KAZN: variants seen among roughly 807,000 people sequenced by gnomAD.
KAZN encodes the protein kazrin.
KAZN carries 40 observed loss-of-function variants against 87.4 expected under a neutral mutation model. That is an observed-to-expected ratio of 0.46 (90% CI 0.36 to 0.60). The LOEUF is 0.60. KAZN is among the 20% of genes least tolerant of loss of function. The pLI, the probability that KAZN is intolerant of heterozygous loss-of-function variation, is 0.00. For synonymous variants in KAZN, 466 were observed against 458.3 expected (o/e 1.02, Z -0.22); for missense variants, 898 against 1,073.9 (o/e 0.84, Z 2.29).
At chr1:14,313,233 C>A (rs1032630034) in intron 2 of KAZN, among the ~76,000 whole-genome samples, 2 of 152,128 alleles carry the variant, frequency 1.3e-5, no homozygotes, top group African/African-American at 4.8e-5. Context: ...ACCAGCCCCC[C>A]ACCGAAAGGT....
intron 1 of KAZN, among the ~76,000 whole-genome samples, chr1:13,975,202 A>C (rs1397669359): frequency 6.6e-6 from 1 of 152,124 alleles, no homozygotes; most frequent in Non-Finnish European, 1.5e-5. Flanking sequence ...CTGCCTCCAC[A>C]TGTATTTGGA....
At chr1:14,616,467 A>G (rs1335854930) in intron 1 of KAZN, among the ~76,000 whole-genome samples, 2 of 151,298 alleles carry the variant, frequency 1.3e-5, no homozygotes, top group African/African-American at 4.8e-5. Context: ...GAAGAGGGTG[A>G]TTTAGAAAAA....
chr1:14,828,343 T>C (rs951456807), intron 1 of KAZN, among the ~76,000 whole-genome samples: 1 of 152,290 alleles, frequency 6.6e-6, no homozygotes, highest in Non-Finnish European at 1.5e-5. Flanking sequence ...ATTTTCGTCC[T>C]ATTTTATTTG....
chr1:14,107,376 T>C (rs1242596080), intron 1 of KAZN, among the ~76,000 whole-genome samples: 1 of 151,882 alleles, frequency 6.6e-6, no homozygotes, highest in Non-Finnish European at 1.5e-5. Context: ...TGTTTGTTTG[T>C]TTGTTTGTTT....
intron 1 of KAZN, among the ~76,000 whole-genome samples, chr1:14,126,589 G>C (rs537430103): frequency 1.3e-5 from 2 of 151,754 alleles, no homozygotes; most frequent in Non-Finnish European, 2.9e-5. Flanking sequence ...TGACAGACAT[G>C]GCATAAATAT....
chr1:14,168,320 C>G (rs1359855806), intron 1 of KAZN, among the ~76,000 whole-genome samples: 1 of 152,094 alleles, frequency 6.6e-6, no homozygotes, highest in East Asian at 1.9e-4. Context: ...TTTGGAATGC[C>G]CGTGGAACAA....
chr1:14,608,650 G>A (rs1233579090), intron 1 of KAZN, among the ~76,000 whole-genome samples: 3 of 152,152 alleles, frequency 2.0e-5, no homozygotes, highest in Admixed American at 2.0e-4. Context: ...AGATGTGGAT[G>A]ATACTGGGTT....
intron 1 of KAZN, among the ~76,000 whole-genome samples, chr1:14,608,609 C>G (rs969003600): frequency 6.6e-6 from 1 of 152,050 alleles, no homozygotes; most frequent in Non-Finnish European, 1.5e-5. Flanking sequence ...ACCTTCTCCC[C>G]CAGAGAAAGA....
At chr1:14,881,009 A>C (rs773097628) in intron 1 of KAZN, among the ~76,000 whole-genome samples, 58 of 152,358 alleles carry the variant, frequency 3.8e-4, no homozygotes, top group Middle Eastern at 3.4e-3. Context: ...TAAGAAAACG[A>C]ATGACAGTCC....
intron 1 of KAZN, among the ~76,000 whole-genome samples, chr1:14,883,342 G>GAGAGAGAGAGAGAGAAAGAAAGA (rs1377953212): frequency 2.1e-4 from 7 of 33,464 alleles, no homozygotes; most frequent in Admixed American, 4.0e-4. Context: ...GAGAGAGAGA[G>GAGAGAGAGAGAGAGAAAGAAAGA]AAAGAAAGAA....
chr1:14,015,424 T>C (rs1016202469), intron 1 of KAZN, among the ~76,000 whole-genome samples: 4 of 146,826 alleles, frequency 2.7e-5, no homozygotes, highest in Admixed American at 6.8e-5. Context: ...CCTATTGTCC[T>C]AAATTATTTT....
chr1:14,898,767 A>C (rs1276089830), intron 1 of KAZN, among the ~76,000 whole-genome samples: 7 of 152,158 alleles, frequency 4.6e-5, no homozygotes, highest in African/African-American at 1.7e-4. Flanking sequence ...AGACTCTAAG[A>C]GGGCGGGACT....
rs35144232 is a variant in KAZN at position 14,569,320 on chromosome 1, C to CTTTT, written c.250-29646_250-29643dup. On this transcript the variant is annotated intron_variant, in intron 2 of 16. Transcript: ENST00000636203. ...TCCTCTACCTCCTCTACTTCCTCTG[C>CTTTT]TTTTTTTTTTTTTTTTTTTTGAGAC... Among the ~76,000 whole-genome samples the CTTTT allele has an allele frequency of 5.5e-4, 51 of 92,316 alleles. 3 individuals carry two copies. The highest frequency in any genetic ancestry group is 1.1e-3 in the East Asian group (3 of 2,800). 60.6% of individuals were successfully genotyped at this position (92,316 alleles called of 152,430 possible).
chr1:14,914,250 G>A (rs971588865), intron 1 of KAZN, among the ~76,000 whole-genome samples: 13 of 152,200 alleles, frequency 8.5e-5, no homozygotes, highest in African/African-American at 2.9e-4. Flanking sequence ...GAGAACCGCT[G>A]CCCTAGGGCT....
intron 2 of KAZN, among the ~76,000 whole-genome samples, chr1:14,995,135 T>TATGTCTTTA (rs2101976320): frequency 1.3e-5 from 2 of 152,260 alleles, no homozygotes; most frequent in African/African-American, 4.8e-5. Flanking sequence ...AGACAGAGTG[T>TATGTCTTTA]ATGTCTTTAA....
rs573009977 is a variant in KAZN, at chr1:15,032,194, C to CTT, written c.419-2540_419-2539dup. Among the ~76,000 whole-genome samples, 104 of 70,894 alleles carry CTT rather than the reference C, an allele frequency of 1.5e-3. 1 individual carries two copies. Among genetic ancestry groups the CTT allele is most frequent in the African/African-American group, 5.5e-3 (97 of 17,594 alleles). 46.5% of individuals were successfully genotyped at this position (70,894 alleles called of 152,430 possible). ...TGTGGACATTTCTTTTTTTTTTTTT[C>CTT]TTTTTTTTTTTTTTTTGAGACAGAA... On this transcript the variant is annotated intron_variant, in intron 2 of 14. Transcript: ENST00000376030.
chr1:14,479,609 T>A (rs192715692), intron 2 of KAZN, among the ~76,000 whole-genome samples: 1 of 152,294 alleles, frequency 6.6e-6, no homozygotes, highest in Admixed American at 6.5e-5. Flanking sequence ...CTTTTGAAAC[T>A]TTTCCCTGAC....
Position 14,769,286 on chromosome 1 carries a change from G to A in KAZN, c.226+170063G>A, listed in dbSNP as rs1048338751. Among the ~76,000 whole-genome samples the A allele has an allele frequency of 1.3e-5, 2 of 152,154 alleles. No homozygotes were observed. The highest frequency in any genetic ancestry group is 2.9e-5 in the Non-Finnish European group (2 of 68,036). The stretch of plus-strand genomic sequence containing the variant: ...ACCCCCATCTGAATTGCAGAACCAC[G>A]TTATTGGCTTTTGGAAAGTCCCCTG... On this transcript the variant is annotated intron_variant, in intron 1 of 14. Transcript: ENST00000376030. The surrounding 1 kb of genome is among the most constrained non-coding windows in gnomAD (Gnocchi z 4.1).
chr1:14,048,456 T>G (rs1285760666), intron 1 of KAZN, among the ~76,000 whole-genome samples: 2 of 150,952 alleles, frequency 1.3e-5, no homozygotes, highest in Non-Finnish European at 2.9e-5. Context: ...CAGGCTGGAG[T>G]GCAGTGGAGC....
Sources: gnomAD v4.1 joint callset for allele counts (sites outside exome capture counted in the v4.1 genomes callset) on GRCh38, gnomAD v4.1.1 for gene constraint, Gnocchi (gnomAD v3.1) non-coding constraint, MANE v1.5 for transcripts, NCBI Gene and HGNC (gene_info 2026-07-23, HGNC 2026-07-21) for gene names.